DSCAML1: variants seen among roughly 807,000 people sequenced by gnomAD.
DSCAML1 encodes the protein DS cell adhesion molecule like 1.
A neutral mutation model predicts 200.5 loss-of-function variants in DSCAML1; 38 were observed. The observed-to-expected ratio is 0.19, with a 90% CI of 0.15 to 0.25. The LOEUF is 0.25. DSCAML1 is among the 10% of genes least tolerant of loss of function. The probability of loss-of-function intolerance (pLI) is 1.00; values close to 1 mark genes in which losing one functional copy is unlikely to be tolerated. For synonymous variants in DSCAML1, 1,215 were observed against 1,165.0 expected, an observed-to-expected ratio of 1.04 and a Z score of -0.87; for missense variants, 2,223 against 2,858.8, an observed-to-expected ratio of 0.78 and a Z score of 5.07.
intron 3 of DSCAML1, among the ~76,000 whole-genome samples, chr11:117,695,315 C>CTTTTTTTTTTTTTTTTTTTTTTTTT (rs753748981): frequency 2.6e-5 from 3 of 116,696 alleles, no homozygotes; most frequent in Admixed American, 8.8e-5. Context: ...CTTTCTTTTT[C>CTTTTTTTTTTTTTTTTTTTTTTTTT]TTTTTTTTTT....
chr11:117,738,247 C>T (rs2054356919), intron 3 of DSCAML1, among the ~76,000 whole-genome samples: 1 of 152,178 alleles, frequency 6.6e-6, no homozygotes, highest in Non-Finnish European at 1.5e-5. Context: ...GCCAGCACTC[C>T]AGCGATTCCA....
At chr11:117,439,667 G>A in intron 22 of DSCAML1, 152 bp downstream of exon 22, 1 of 849,000 alleles carries the variant, frequency 1.2e-6, no homozygotes, top group African/African-American at 1.7e-5. Context: ...AGGCCTGCTT[G>A]AGAGAGCAGT....
intron 3 of DSCAML1, among the ~76,000 whole-genome samples, chr11:117,713,388 T>C (rs879678148): frequency 2.6e-5 from 4 of 152,194 alleles, no homozygotes; most frequent in Non-Finnish European, 5.9e-5. Flanking sequence ...GGTGCTAGGA[T>C]TACAGGCATG....
At chr11:117,666,310 A>T (rs1269377845) in intron 3 of DSCAML1, among the ~76,000 whole-genome samples, 1 of 152,214 alleles carries the variant, frequency 6.6e-6, no homozygotes, top group East Asian at 1.9e-4. Flanking sequence ...TCACACATGC[A>T]AAGAACCCAC....
chr11:117,519,636 G>A (rs570077224), intron 6 of DSCAML1, among the ~76,000 whole-genome samples: 1 of 152,194 alleles, frequency 6.6e-6, no homozygotes, highest in South Asian at 2.1e-4. Flanking sequence ...TCTGGGCAAT[G>A]TAGGGAGACC....
chr11:117,741,016 G>C (rs756915944), intron 3 of DSCAML1, among the ~76,000 whole-genome samples: 1 of 152,212 alleles, frequency 6.6e-6, no homozygotes, highest in African/African-American at 2.4e-5. Context: ...AAGGTGAACT[G>C]GACATTACCT....
chr11:117,810,904 C>A (rs2055755459), intron 1 of DSCAML1, among the ~76,000 whole-genome samples: 1 of 152,182 alleles, frequency 6.6e-6, no homozygotes, highest in Non-Finnish European at 1.5e-5. Flanking sequence ...CAGTCCCAAC[C>A]CCAAGCGTCG....
intron 3 of DSCAML1, among the ~76,000 whole-genome samples, chr11:117,651,035 C>T (rs934038094): frequency 6.6e-6 from 1 of 152,228 alleles, no homozygotes; most frequent in Admixed American, 6.5e-5. Flanking sequence ...GGAAAGCAAC[C>T]CTGGGTGGGA....
chr11:117,732,400 C>T (rs1035381348), intron 3 of DSCAML1, among the ~76,000 whole-genome samples: 53 of 152,082 alleles, frequency 3.5e-4, no homozygotes, highest in African/African-American at 1.2e-3. Context: ...TTTCACACAC[C>T]GAGTCTTCTT....
At chr11:117,493,409 C>T (rs936683657) in intron 11 of DSCAML1, among the ~76,000 whole-genome samples, 1 of 151,830 alleles carries the variant, frequency 6.6e-6, no homozygotes, top group African/African-American at 2.4e-5. Context: ...CTCCCCCTCC[C>T]GGGTTCAAGT....
At chr11:117,599,141 C>T (rs1347102192) in intron 3 of DSCAML1, among the ~76,000 whole-genome samples, 1 of 45,180 alleles carries the variant, frequency 2.2e-5, no homozygotes, top group African/African-American at 1.5e-4. Context: ...AAAACCACCT[C>T]ACAGGTGAAT....
intron 11 of DSCAML1, among the ~76,000 whole-genome samples, chr11:117,501,086 C>A (rs1393278767): frequency 2.0e-5 from 3 of 152,130 alleles, no homozygotes; most frequent in African/African-American, 7.2e-5. Flanking sequence ...CTGCTGAGGG[C>A]ATGGGTAACC....
At chr11:117,809,912 CAT>C (rs2055743695) in intron 1 of DSCAML1, among the ~76,000 whole-genome samples, 1 of 144,820 alleles carries the variant, frequency 6.9e-6, no homozygotes, top group Non-Finnish European at 1.6e-5. Context: ...CTCACACACA[CAT>C]TCACACATTC....
At chr11:117,438,179 AG>A in intron 24 of DSCAML1, 96 bp from the exon 25 acceptor site, 1 of 1,233,506 alleles carries the variant, frequency 8.1e-7, no homozygotes, top group South Asian at 1.5e-5. Context: ...GGCTCCAGGC[AG>A]GGGGCAGAGT....
chr11:117,439,974 C>T, intron 21 of DSCAML1, 38 bp from the exon 22 acceptor site: 2 of 1,551,484 alleles, frequency 1.3e-6, no homozygotes, highest in Non-Finnish European at 1.8e-6. Flanking sequence ...TCCACTTCTA[C>T]CCCTGCACAA....
At chr11:117,706,228 G>C (rs1413532120) in intron 3 of DSCAML1, among the ~76,000 whole-genome samples, 1 of 152,150 alleles carries the variant, frequency 6.6e-6, no homozygotes, top group Non-Finnish European at 1.5e-5. Context: ...CAATTTACAT[G>C]AGCTGTGTCT....
chr11:117,539,606 CAAA>C lies in DSCAML1; in HGVS notation c.512-7087_512-7085del, dbSNP rs35130897. Among the ~76,000 whole-genome samples, 244 of 52,594 alleles carry C rather than the reference CAAA, an allele frequency of 4.6e-3. 1 individual carries two copies. The highest frequency in any genetic ancestry group is 0.014 in the African/African-American group (172 of 12,348). The allele number at this position is 52,594 out of a possible 152,430, so 34.5% of individuals were successfully genotyped here. ...CTGGGCAACAAGAGTAAAACTCTGT[CAAA>C]AAAAAAAAAAAAAAAAAAAAAGGAA... is the stretch of plus-strand genomic sequence containing the variant. On this transcript the variant is annotated intron_variant, in intron 3 of 32. Transcript: ENST00000651296.
chr11:117,737,899 G>T (rs560332749), intron 3 of DSCAML1, among the ~76,000 whole-genome samples: 1 of 152,204 alleles, frequency 6.6e-6, no homozygotes, highest in Admixed American at 6.5e-5. Context: ...TTGTGACAGC[G>T]AGTGTAGATA....
At chr11:117,605,568 G>A (rs1315729415) in intron 3 of DSCAML1, among the ~76,000 whole-genome samples, 8 of 152,238 alleles carry the variant, frequency 5.3e-5, no homozygotes, top group East Asian at 1.9e-4. Flanking sequence ...GGAGTCTGTC[G>A]TTGTTGGACT....
Sources: gnomAD v4.1 joint callset for allele counts (sites outside exome capture counted in the v4.1 genomes callset) on GRCh38, gnomAD v4.1.1 for gene constraint, MANE v1.5 for transcripts, NCBI Gene and HGNC (gene_info 2026-07-23, HGNC 2026-07-21) for gene names.